The following KCNS3 variants were observed in gnomAD, a reference collection of about 807,000 sequenced individuals.
The protein encoded by KCNS3 is delayed-rectifier potassium channel regulatory subunit KCNS3.
A neutral mutation model predicts 31.0 loss-of-function variants in KCNS3; 13 were observed. The observed-to-expected ratio is 0.42, with a 90% CI of 0.27 to 0.67. The LOEUF is 0.67. Among genes scored for constraint, KCNS3 ranks in the 30% least tolerant of loss-of-function variants. The pLI is 0.25. For missense variants in KCNS3, 545 were observed against 622.4 expected, an observed-to-expected ratio of 0.88 and a Z score of 1.32; for synonymous variants, 238 against 241.5, an observed-to-expected ratio of 0.99 and a Z score of 0.13.
intron 1 of KCNS3, among the ~76,000 whole-genome samples, chr2:17,886,844 A>T (rs1247709767): frequency 1.3e-5 from 2 of 150,602 alleles, no homozygotes; most frequent in South Asian, 4.2e-4. Flanking sequence ...ATGCCCTCTC[A>T]TCTTCTCCTT....
intron 1 of KCNS3, among the ~76,000 whole-genome samples, chr2:17,891,710 C>T (rs1247950467): frequency 1.3e-5 from 2 of 152,140 alleles, no homozygotes; most frequent in African/African-American, 4.8e-5. Flanking sequence ...ATACAAAATT[C>T]TTGGCTGATA....
At chr2:17,890,488 G>C (rs575703250) in intron 1 of KCNS3, among the ~76,000 whole-genome samples, 6 of 151,686 alleles carry the variant, frequency 4.0e-5, no homozygotes, top group Non-Finnish European at 8.8e-5. Context: ...GTTTGTTCTA[G>C]ATTCTCTAGT....
chr2:17,925,265 A>C (rs527969309), intron 2 of KCNS3, among the ~76,000 whole-genome samples: 1 of 152,310 alleles, frequency 6.6e-6, no homozygotes, highest in Non-Finnish European at 1.5e-5. Flanking sequence ...CAGCGTCAAC[A>C]TCAACATGAA....
intron 1 of KCNS3, among the ~76,000 whole-genome samples, chr2:17,909,534 C>T (rs1662422518): frequency 6.6e-6 from 1 of 152,158 alleles, no homozygotes; most frequent in Admixed American, 6.5e-5. Context: ...AGAAATCACT[C>T]GTCTTCTGCG....
intron 2 of KCNS3, among the ~76,000 whole-genome samples, chr2:17,920,237 G>A (rs1352302667): frequency 6.6e-6 from 1 of 152,162 alleles, no homozygotes; most frequent in Non-Finnish European, 1.5e-5. Flanking sequence ...TTACTTTTAT[G>A]AAATTGATAC....
At chr2:17,908,621 C>A (rs938802879) in intron 1 of KCNS3, among the ~76,000 whole-genome samples, 1 of 152,188 alleles carries the variant, frequency 6.6e-6, no homozygotes, top group African/African-American at 2.4e-5. Flanking sequence ...ATAATGGTGA[C>A]GTACAGATGG....
At chr2:17,910,453 C>G (rs1023224950) in intron 1 of KCNS3, among the ~76,000 whole-genome samples, 1 of 152,172 alleles carries the variant, frequency 6.6e-6, no homozygotes, top group Non-Finnish European at 1.5e-5. Context: ...CACAGACCCC[C>G]TACTCTAACT....
At chr2:17,926,090 A>T (rs1662831494) in intron 2 of KCNS3, among the ~76,000 whole-genome samples, 1 of 152,220 alleles carries the variant, frequency 6.6e-6, no homozygotes, top group South Asian at 2.1e-4. Flanking sequence ...AATTGGCCCC[A>T]AAGGGGCAAG....
rs1271118744 is a variant in KCNS3 at position 17,930,514 on chromosome 2, G to A, written c.-59-436G>A. ...AAGCCCTAGGGATTGGAAGGGATGA[G>A]CTTCAAGCCTGGCAGCAACTAGCCT... On this transcript the variant is annotated intron_variant, in intron 2 of 2. Transcript: ENST00000304101. Among the ~76,000 whole-genome samples the A allele has an allele frequency of 5.9e-5, 9 of 152,170 alleles. No individual in the cohort carries two copies. In the East Asian group the frequency reaches 9.6e-4, roughly 16 times the overall value.
Position 17,932,133 on chromosome 2 carries a change from C to T in KCNS3, c.1125C>T (p.Asp375=). 1.2e-6 allele frequency: 2 copies of T among 1,614,104 alleles called. No individual in the cohort carries two copies. Among genetic ancestry groups the T allele is most frequent in the South Asian group, 2.2e-5 (2 of 91,068 alleles). ...TISMTTVGYG[D]THPVTLAGKL... ...GCATGACAACTGTGGGCTATGGAGA[C>T]ACCCACCCGGTCACCTTGGCGGGAA... Residue 375 remains aspartate, a synonymous_variant, in exon 3 of 3, where the codon GAC becomes GAT. Transcript: ENST00000304101.
chr2:17,910,390 G>A (rs554635117), intron 1 of KCNS3, among the ~76,000 whole-genome samples: 13 of 152,202 alleles, frequency 8.5e-5, no homozygotes, highest in Admixed American at 8.5e-4. Context: ...GTTAGAGATT[G>A]GTGAAAATAA....
intron 1 of KCNS3, among the ~76,000 whole-genome samples, chr2:17,908,421 C>T (rs752284136): frequency 1.1e-4 from 17 of 152,172 alleles, no homozygotes; most frequent in Non-Finnish European, 2.1e-4. Context: ...TCCTTTAGCT[C>T]GGAGAAGTTT....
chr2:17,905,442 T>C (rs993106716), intron 1 of KCNS3, among the ~76,000 whole-genome samples: 6 of 152,246 alleles, frequency 3.9e-5, no homozygotes, highest in African/African-American at 1.4e-4. Flanking sequence ...CCTAATTGAA[T>C]ACCCTTTATT....
chr2:17,909,473 A>G (rs1662420496), intron 1 of KCNS3, among the ~76,000 whole-genome samples: 1 of 152,048 alleles, frequency 6.6e-6, no homozygotes, highest in African/African-American at 2.4e-5. Flanking sequence ...TCCTGCCCCC[A>G]CTGTCTGACG....
chr2:17,894,782 A>G (rs1342210046), intron 1 of KCNS3, among the ~76,000 whole-genome samples: 1 of 152,216 alleles, frequency 6.6e-6, no homozygotes, highest in African/African-American at 2.4e-5. Context: ...TGAGCCGGCT[A>G]ACATCACTGC....
chr2:17,886,082 A>G (rs1157617838), intron 1 of KCNS3, among the ~76,000 whole-genome samples: 1 of 152,192 alleles, frequency 6.6e-6, no homozygotes, highest in Non-Finnish European at 1.5e-5. Context: ...TATTCCAAAA[A>G]TCAGTCAAGT....
intron 1 of KCNS3, among the ~76,000 whole-genome samples, chr2:17,909,348 C>T (rs1662417267): frequency 6.6e-6 from 1 of 152,112 alleles, no homozygotes; most frequent in African/African-American, 2.4e-5. Context: ...TTTCCAGGTG[C>T]CATCTGTCAC....
At chr2:17,890,260 A>G (rs1056851435) in intron 1 of KCNS3, among the ~76,000 whole-genome samples, 3 of 152,062 alleles carry the variant, frequency 2.0e-5, no homozygotes, top group African/African-American at 7.2e-5. Flanking sequence ...CAGTGGTGTC[A>G]GTTGTAATAT....
intron 1 of KCNS3, among the ~76,000 whole-genome samples, chr2:17,882,378 A>C (rs1328807817): frequency 6.6e-6 from 1 of 152,256 alleles, no homozygotes; most frequent in African/African-American, 2.4e-5. Context: ...GACAGAAGTT[A>C]GGAAGCCCAT....
Sources: allele counts gnomAD v4.1 joint callset (sites outside exome capture counted in the v4.1 genomes callset), GRCh38; gene constraint gnomAD v4.1.1; transcripts MANE v1.5; gene names NCBI Gene and HGNC (gene_info 2026-07-23, HGNC 2026-07-21).